The following RIMS2 variants were observed in gnomAD, a reference collection of about 807,000 sequenced individuals.
RIMS2 encodes regulating synaptic membrane exocytosis protein 2.
In RIMS2, 59 loss-of-function variants were observed where a neutral mutation model predicts 174.4. The ratio of observed to expected loss-of-function variants is 0.34; its 90% CI spans 0.27 to 0.42. The LOEUF is 0.42. RIMS2 is among the 10% of genes least tolerant of loss of function. The pLI, the probability that RIMS2 is intolerant of heterozygous loss-of-function variation, is 1.00. For synonymous variants in RIMS2, 606 were observed against 572.5 expected, an observed-to-expected ratio of 1.06 and a Z score of -0.84; for missense variants, 1,620 against 1,666.3, an observed-to-expected ratio of 0.97 and a Z score of 0.48.
chr8:103,991,326 G>T (rs2094683948), intron 17 of RIMS2, among the ~76,000 whole-genome samples: 1 of 151,012 alleles, frequency 6.6e-6, no homozygotes, highest in African/African-American at 2.4e-5. Context: ...AAATAAAATA[G>T]AATTTTATTT....
rs746981415 is a variant in RIMS2, at chr8:103,921,643, T to C, written c.2084-29T>C. Reference sequence around the variant, plus strand: ...AAATACTTGTGAAGAGCCATTGTTATTATTCGTTATGTGTAATTATCGTTT... The same window carrying C: ...AAATACTTGTGAAGAGCCATTGTTACTATTCGTTATGTGTAATTATCGTTT... On this transcript the variant is annotated intron_variant, in intron 9 of 23. Coordinates refer to ENST00000504942, the Ensembl canonical transcript of RIMS2. The C allele has an allele frequency of 4.7e-6, 4 of 858,902 alleles. No individual in the cohort carries two copies. The South Asian group carries it at 5.3e-5, about 11-fold the overall frequency. The allele number at this position is 858,902 out of a possible 1,614,324, so 53.2% of individuals were successfully genotyped here.
rs573630326 is a variant in RIMS2, at chr8:103,660,324, A to G, written c.177-36762A>G. 5.6e-4 allele frequency among the ~76,000 whole-genome samples: 85 copies of G among 152,232 alleles called. 1 individual carries two copies. Among genetic ancestry groups the G allele is most frequent in the Middle Eastern group, 3.4e-3 (1 of 294 alleles). Reference sequence around the variant, plus strand: ...GGGCAGCAAGTGAAGCGCTAGCTGGACTCATGGATGTGCACCCTTTGCTTC... The same window carrying G: ...GGGCAGCAAGTGAAGCGCTAGCTGGGCTCATGGATGTGCACCCTTTGCTTC... On this transcript the variant is annotated intron_variant, in intron 1 of 23. Coordinates refer to ENST00000504942, the Ensembl canonical transcript of RIMS2.
rs2098567697 is a variant in RIMS2 at position 104,141,283 on chromosome 8, T to C, written c.3335-103633T>C. On this transcript the variant is annotated intron_variant, in intron 19 of 23. Transcript: ENST00000504942. ...CAAACTCATGGTGGAGGGAGAGGTC[T>C]ATTATTCAATAATTTGGTAGAGAAT... Among the ~76,000 whole-genome samples the C allele has an allele frequency of 2.0e-5, 3 of 152,228 alleles. No homozygotes were observed. In the South Asian group the frequency reaches 6.2e-4, roughly 31 times the overall value.
intron 19 of RIMS2, among the ~76,000 whole-genome samples, chr8:104,059,713 A>C (rs1197747791): frequency 1.3e-5 from 2 of 151,098 alleles, no homozygotes; most frequent in African/African-American, 4.9e-5. Flanking sequence ...GGTTTGTCAT[A>C]GATAGCTCTT....
chr8:103,910,276 G>GTTTCTT, intron 5 of RIMS2, 45 bp from the exon 8 acceptor site: 1 of 1,455,654 alleles, frequency 6.9e-7, no homozygotes, highest in African/African-American at 1.5e-5. Context: ...ACCTTTGCAT[G>GTTTCTT]TTTCTTTTTT....
At chr8:103,942,210 C>G (rs1256792111) in intron 13 of RIMS2, among the ~76,000 whole-genome samples, 1 of 152,150 alleles carries the variant, frequency 6.6e-6, no homozygotes, top group East Asian at 1.9e-4. Flanking sequence ...TGTTTCTCAT[C>G]ATTTAGCTCC....
chr8:103,523,423 G>A (rs1004743025), intron 1 of RIMS2, among the ~76,000 whole-genome samples: 1 of 152,010 alleles, frequency 6.6e-6, no homozygotes, highest in Non-Finnish European at 1.5e-5. Flanking sequence ...TGTGTGGTGA[G>A]TTAGGATTGA....
intron 19 of RIMS2, among the ~76,000 whole-genome samples, chr8:104,040,328 T>C (rs1389772750): frequency 6.6e-6 from 1 of 151,596 alleles, no homozygotes; most frequent in Non-Finnish European, 1.5e-5. Context: ...AATAGGAGAT[T>C]TTGGTTTTGT....
intron 3 of RIMS2, among the ~76,000 whole-genome samples, chr8:103,839,445 C>CA (rs2098926302): frequency 6.7e-6 from 1 of 149,778 alleles, no homozygotes; most frequent in Admixed American, 6.7e-5. Context: ...GGAGAGTACT[C>CA]TTTTTTTTTT....
In RIMS2 at chr8:103,837,129, C is replaced by A. The variant is rs369346877; in HGVS notation, c.699-48169C>A. Among the ~76,000 whole-genome samples, 26 of 152,322 alleles carry A rather than the reference C, an allele frequency of 1.7e-4. No individual in the cohort carries two copies. The East Asian group carries it at 4.6e-3, about 27-fold the overall frequency. On this transcript the variant is annotated intron_variant, in intron 3 of 23. Transcript: ENST00000504942. ...TAGCTTAGTGGGTTAAAACACTCCA[C>A]CTATTTACTGTCTTGCAGTTCTATA...
intron 19 of RIMS2, among the ~76,000 whole-genome samples, chr8:104,054,992 T>G (rs928339392): frequency 1.3e-5 from 2 of 152,170 alleles, no homozygotes; most frequent in South Asian, 2.1e-4. Context: ...CCATTTATGA[T>G]TCCACTCTTT....
chr8:104,079,943 G>A (rs2094114538), intron 19 of RIMS2, among the ~76,000 whole-genome samples: 1 of 151,710 alleles, frequency 6.6e-6, no homozygotes, highest in Non-Finnish European at 1.5e-5. Flanking sequence ...TTCTAGAGAA[G>A]GTGAATTTTA....
intron 19 of RIMS2, among the ~76,000 whole-genome samples, chr8:104,018,868 G>A (rs1247912285): frequency 6.6e-6 from 1 of 151,812 alleles, no homozygotes; most frequent in Non-Finnish European, 1.5e-5. Context: ...AACATTTATT[G>A]TCAATCATAA....
At chr8:103,728,435 G>T (rs1050389072) in intron 2 of RIMS2, among the ~76,000 whole-genome samples, 2 of 151,832 alleles carry the variant, frequency 1.3e-5, no homozygotes, top group African/African-American at 4.8e-5. Flanking sequence ...TTTCTTATCT[G>T]GTTGCTCTGT....
chr8:103,585,744 G>A (rs1380342758), intron 1 of RIMS2, among the ~76,000 whole-genome samples: 1 of 151,926 alleles, frequency 6.6e-6, no homozygotes, highest in Admixed American at 6.6e-5. Context: ...TGGGGGCAAG[G>A]GGAGGGAGTG....
chr8:103,916,652 A>T (rs1182007901), intron 8 of RIMS2, 115 bp downstream of exon 11: 1 of 837,340 alleles, frequency 1.2e-6, no homozygotes, highest in Non-Finnish European at 1.8e-6. Context: ...TTTGTAGACA[A>T]TAACTTTTTC....
At chr8:103,729,761 T>G (rs1323876414) in intron 2 of RIMS2, among the ~76,000 whole-genome samples, 1 of 152,202 alleles carries the variant, frequency 6.6e-6, no homozygotes, top group Non-Finnish European at 1.5e-5. Flanking sequence ...TTCATTTGTT[T>G]CAAGAAACTT....
chr8:103,645,275 A>G (rs1470324101), intron 1 of RIMS2, among the ~76,000 whole-genome samples: 1 of 152,108 alleles, frequency 6.6e-6, no homozygotes, highest in East Asian at 1.9e-4. Context: ...AAATGATGTG[A>G]CTTTCATTCT....
intron 15 of RIMS2, among the ~76,000 whole-genome samples, chr8:103,973,212 A>G (rs910788175): frequency 5.3e-5 from 8 of 152,228 alleles, no homozygotes; most frequent in African/African-American, 1.2e-4. Context: ...AGTCAGAAGT[A>G]TCTTCTTTTA....
Sources: gnomAD v4.1 joint callset for allele counts (sites outside exome capture counted in the v4.1 genomes callset) on GRCh38, gnomAD v4.1.1 for gene constraint, MANE v1.5 for transcripts, NCBI Gene and HGNC (gene_info 2026-07-23, HGNC 2026-07-21) for gene names.